NBEA: variants seen among roughly 807,000 people sequenced by gnomAD.
NBEA encodes neurobeachin.
In NBEA, 44 loss-of-function variants were observed where a neutral mutation model predicts 343.4. The observed-to-expected ratio is 0.13, with a 90% CI of 0.10 to 0.16. The LOEUF is 0.16. NBEA is among the 10% of genes least tolerant of loss of function. The pLI, the probability that NBEA is intolerant of heterozygous loss-of-function variation, is 1.00. For missense variants in NBEA, 2,555 were observed against 3,631.3 expected, an observed-to-expected ratio of 0.70 and a Z score of 7.62; for synonymous variants, 1,175 against 1,238.7, an observed-to-expected ratio of 0.95 and a Z score of 1.08.
At chr13:35,001,424 T>C (rs2061135595) in intron 1 of NBEA, among the ~76,000 whole-genome samples, 1 of 152,130 alleles carries the variant, frequency 6.6e-6, no homozygotes, top group Non-Finnish European at 1.5e-5. Flanking sequence ...TCAACCTAAG[T>C]GTCCATCAGC....
At chr13:35,330,608 T>C (rs2038867787) in intron 36 of NBEA, among the ~76,000 whole-genome samples, 2 of 152,070 alleles carry the variant, frequency 1.3e-5, no homozygotes, top group Admixed American at 1.3e-4. Flanking sequence ...TTGGTTTCTC[T>C]TTATTCTCCC....
At chr13:35,061,261 A>T (rs2063457456) in intron 8 of NBEA, among the ~76,000 whole-genome samples, 1 of 151,716 alleles carries the variant, frequency 6.6e-6, no homozygotes, top group Admixed American at 6.6e-5. Context: ...TTTTCTGGAA[A>T]CAGTAAATAA....
At chr13:35,325,140 T>G (rs2038452678) in intron 36 of NBEA, among the ~76,000 whole-genome samples, 1 of 152,072 alleles carries the variant, frequency 6.6e-6, no homozygotes, top group Non-Finnish European at 1.5e-5. Flanking sequence ...ATGAAAATTT[T>G]ACATATTTTT....
intron 49 of NBEA, among the ~76,000 whole-genome samples, chr13:35,644,793 A>T (rs908174002): frequency 6.6e-6 from 1 of 152,236 alleles, no homozygotes; most frequent in African/African-American, 2.4e-5. Flanking sequence ...TTTTATAATC[A>T]TAAATCTTGC....
intron 26 of NBEA, among the ~76,000 whole-genome samples, 191 bp from the exon 27 acceptor site, chr13:35,173,273 A>G (rs1346671523): frequency 6.6e-6 from 1 of 152,018 alleles, no homozygotes; most frequent in Non-Finnish European, 1.5e-5. Context: ...ATTTTTAACT[A>G]TATGTATATT....
intron 53 of NBEA, among the ~76,000 whole-genome samples, chr13:35,652,385 A>T (rs1329855813): frequency 6.6e-6 from 1 of 151,326 alleles, no homozygotes; most frequent in African/African-American, 2.4e-5. Context: ...TCACTCCTGT[A>T]ATCCCAGTAC....
Position 34,986,520 on chromosome 13 carries a change from G to T in NBEA, c.294+43406G>T, listed in dbSNP as rs564757287. On this transcript the variant is annotated intron_variant, in intron 1 of 58. Coordinates refer to ENST00000379939, the MANE Select transcript of NBEA (RefSeq NM_001385012.1). Reference sequence around the variant, plus strand: ...GAAGAATGTATATTCTGTTGATTTGGGGTGGAGAGTTCTGTAGATGTCTAT... The same window carrying T: ...GAAGAATGTATATTCTGTTGATTTGTGGTGGAGAGTTCTGTAGATGTCTAT... Among the ~76,000 whole-genome samples the T allele has an allele frequency of 8.6e-5, 13 of 150,996 alleles. 1 individual carries two copies. The South Asian group carries it at 2.5e-3, about 29-fold the overall frequency.
intron 6 of NBEA, among the ~76,000 whole-genome samples, 166 bp from the exon 7 acceptor site, chr13:35,055,844 C>A (rs1473417751): frequency 6.6e-6 from 1 of 152,010 alleles, no homozygotes; most frequent in Non-Finnish European, 1.5e-5. Flanking sequence ...CCACTTCTAC[C>A]ATCTGTGAAA....
At chr13:34,985,139 A>C (rs1349341538) in intron 1 of NBEA, among the ~76,000 whole-genome samples, 1 of 151,060 alleles carries the variant, frequency 6.6e-6, no homozygotes, top group Non-Finnish European at 1.5e-5. Context: ...GAATGCTTCA[A>C]GTTTTTGCCC....
rs1029553084 is a variant in NBEA at position 34,986,532 on chromosome 13, C to T, written c.294+43418C>T. On this transcript the variant is annotated intron_variant, in intron 1 of 58. Transcript: ENST00000379939. ...TTCTGTTGATTTGGGGTGGAGAGTT[C>T]TGTAGATGTCTATTAGGTCTGCTTG... Among the ~76,000 whole-genome samples the T allele has an allele frequency of 4.0e-5, 6 of 150,772 alleles. 1 individual carries two copies. Among genetic ancestry groups the T allele is most frequent in the Admixed American group, 6.6e-5 (1 of 15,114 alleles).
At chr13:35,045,677 A>G (rs2062823402) in intron 4 of NBEA, among the ~76,000 whole-genome samples, 1 of 152,002 alleles carries the variant, frequency 6.6e-6, no homozygotes, top group Non-Finnish European at 1.5e-5. Flanking sequence ...CTAGATTGTC[A>G]TATAAATAAA....
intron 40 of NBEA, among the ~76,000 whole-genome samples, chr13:35,465,395 A>C (rs2075347685): frequency 6.6e-6 from 1 of 152,178 alleles, no homozygotes; most frequent in Non-Finnish European, 1.5e-5. Context: ...AATATATTTT[A>C]AGTGCCATAA....
intron 1 of NBEA, among the ~76,000 whole-genome samples, chr13:34,971,622 T>G (rs2059998066): frequency 1.3e-5 from 2 of 152,196 alleles, no homozygotes; most frequent in Admixed American, 1.3e-4. Flanking sequence ...ATGTGGTTTT[T>G]GTCTTTAGTT....
At chr13:34,974,600 A>T (rs2060105543) in intron 1 of NBEA, among the ~76,000 whole-genome samples, 1 of 152,196 alleles carries the variant, frequency 6.6e-6, no homozygotes. Flanking sequence ...TAAGCAGAGG[A>T]TAGAGAATAA....
chr13:35,516,977 G>A (rs2077508714), intron 41 of NBEA, among the ~76,000 whole-genome samples: 1 of 152,158 alleles, frequency 6.6e-6, no homozygotes, highest in Admixed American at 6.5e-5. Flanking sequence ...CAAAGATCAT[G>A]TTCTTTCAAT....
intron 41 of NBEA, among the ~76,000 whole-genome samples, chr13:35,528,511 A>G (rs930913794): frequency 2.0e-5 from 3 of 152,220 alleles, no homozygotes; most frequent in Admixed American, 1.3e-4. Flanking sequence ...GAATAAGGTT[A>G]ATATTTTAAA....
At chr13:35,178,002 A>G (rs2071036312) in intron 28 of NBEA, among the ~76,000 whole-genome samples, 1 of 151,762 alleles carries the variant, frequency 6.6e-6, no homozygotes, top group African/African-American at 2.4e-5. Flanking sequence ...ATAAAATGCT[A>G]GGAAAATTCC....
intron 38 of NBEA, among the ~76,000 whole-genome samples, chr13:35,352,941 A>G (rs555700462): frequency 9.8e-4 from 149 of 152,182 alleles, no homozygotes; most frequent in African/African-American, 3.4e-3. Context: ...GTTGTTATCT[A>G]TACAATGAAG....
At chr13:35,371,755 C>T (rs1038381142) in intron 38 of NBEA, among the ~76,000 whole-genome samples, 1 of 152,102 alleles carries the variant, frequency 6.6e-6, no homozygotes, top group East Asian at 1.9e-4. Flanking sequence ...TTTGAATTTG[C>T]TTTTGCAGTG....
Sources: gnomAD v4.1 joint callset for allele counts (sites outside exome capture counted in the v4.1 genomes callset) on GRCh38, gnomAD v4.1.1 for gene constraint, MANE v1.5 for transcripts, NCBI Gene and HGNC (gene_info 2026-07-23, HGNC 2026-07-21) for gene names.